Variants in CACNA1B observed in about 807,000 individuals in gnomAD.
CACNA1B encodes calcium voltage-gated channel subunit alpha1 B, also known as voltage-dependent N-type calcium channel subunit alpha-1B.
In CACNA1B, 70 loss-of-function variants were observed where a neutral mutation model predicts 247.2. That is an observed-to-expected ratio of 0.28 (90% CI 0.23 to 0.35). The LOEUF (loss-of-function observed/expected upper bound fraction) is 0.35, where lower values mean the gene tolerates loss of function less well. Among genes scored for constraint, CACNA1B ranks in the 10% least tolerant of loss-of-function variants. CACNA1B has a pLI of 1.00. For missense variants in CACNA1B, 2,367 were observed against 3,197.4 expected, an observed-to-expected ratio of 0.74 and a Z score of 6.26; for synonymous variants, 1,231 against 1,294.4, an observed-to-expected ratio of 0.95 and a Z score of 1.05.
At chr9:138,021,208 G>A (rs1266407421) in intron 18 of CACNA1B, among the ~76,000 whole-genome samples, 6 of 152,198 alleles carry the variant, frequency 3.9e-5, no homozygotes, top group African/African-American at 1.4e-4. Flanking sequence ...GGCACCCCTG[G>A]GAGCAGGGGC....
intron 31 of CACNA1B, 95 bp from the exon 32 acceptor site, chr9:138,069,663 C>A: frequency 1.1e-6 from 1 of 911,496 alleles, no homozygotes; most frequent in Non-Finnish European, 1.8e-6. Context: ...ATGCGAAAAC[C>A]CATGTCTCCG....
intron 6 of CACNA1B, among the ~76,000 whole-genome samples, chr9:137,932,711 G>A (rs929307289): frequency 6.6e-6 from 1 of 152,152 alleles, no homozygotes; most frequent in East Asian, 1.9e-4. Flanking sequence ...TTCTTCACAA[G>A]GGAAACCGTG....
At chr9:137,959,766 G>T (rs1035833861) in intron 10 of CACNA1B, among the ~76,000 whole-genome samples, 2 of 152,148 alleles carry the variant, frequency 1.3e-5, no homozygotes, top group Non-Finnish European at 2.9e-5. Flanking sequence ...TGCCCGCCAC[G>T]TGCCAGCAAC....
intron 38 of CACNA1B, 137 bp from the exon 39 acceptor site, chr9:138,105,562 C>T (rs1961394007): frequency 8.3e-6 from 5 of 601,828 alleles, no homozygotes; most frequent in Non-Finnish European, 1.2e-5. Context: ...CCCGCCCCAC[C>T]TCACTCAGGC....
rs560361187 is a variant in CACNA1B at position 137,891,774 on chromosome 9, G to C, written c.530+8891G>C. On this transcript the variant is annotated intron_variant, in intron 3 of 46. Transcript: ENST00000371372. This position sits in a 1 kb window ranked among gnomAD's most constrained non-coding sequence, Gnocchi z 4.3. Reference sequence around the variant, plus strand: ...TAGAGTGGAGGGGCCTCCACCCTGCGTGCCTGTGTGCAGCCCCACACGTGC... The same window carrying C: ...TAGAGTGGAGGGGCCTCCACCCTGCCTGCCTGTGTGCAGCCCCACACGTGC... 67 of 335,394 alleles carry C rather than the reference G, an allele frequency of 2.0e-4. No individual in the cohort carries two copies. Among genetic ancestry groups the C allele is most frequent in the Non-Finnish European group, 3.2e-4 (55 of 169,398 alleles). The allele number at this position is 335,394 out of a possible 1,614,324, so 20.8% of individuals were successfully genotyped here. A position where few individuals can be genotyped will look rare whatever the true frequency, so the allele number is the denominator to read the frequency against.
chr9:138,003,530 G>A (rs1356362470), intron 15 of CACNA1B, among the ~76,000 whole-genome samples: 1 of 151,940 alleles, frequency 6.6e-6, no homozygotes, highest in African/African-American at 2.4e-5. Flanking sequence ...GGAATAGACT[G>A]ATAAGACTGA....
intron 11 of CACNA1B, among the ~76,000 whole-genome samples, chr9:137,972,297 TTA>T (rs1489778470): frequency 2.0e-5 from 3 of 151,328 alleles, no homozygotes; most frequent in Non-Finnish European, 4.4e-5. Context: ...CACCCATGTT[TTA>T]TGTCCTTTCA....
chr9:137,894,630 G>C (rs1036062818), intron 3 of CACNA1B, among the ~76,000 whole-genome samples: 7 of 152,024 alleles, frequency 4.6e-5, no homozygotes, highest in Admixed American at 1.3e-4. Context: ...GGATGATCTC[G>C]ATCTCCTGAC....
intron 10 of CACNA1B, among the ~76,000 whole-genome samples, chr9:137,960,658 C>T (rs1186873924): frequency 6.6e-6 from 1 of 151,900 alleles, no homozygotes; most frequent in Non-Finnish European, 1.5e-5. Context: ...TGGAGAACGT[C>T]TTGGAGGCCA....
chr9:138,121,016 C>T lies in CACNA1B; in HGVS notation c.6489+135C>T, dbSNP rs1962074466. ...TTCCCAGCAACCCAAGGGCCGGGCGCTCCCCTCTGTGCCCTGTCCCGGAGC... is the reference window on the plus strand; with the variant it reads ...TTCCCAGCAACCCAAGGGCCGGGCGTTCCCCTCTGTGCCCTGTCCCGGAGC... On this transcript the variant is annotated intron_variant, in intron 46 of 46. Transcript: ENST00000371372. This position sits in a 1 kb window ranked among gnomAD's most constrained non-coding sequence, Gnocchi z 6.8. The T allele has an allele frequency of 2.8e-6, 3 of 1,057,854 alleles. No homozygotes were observed. Among genetic ancestry groups the T allele is most frequent in the Middle Eastern group, 3.0e-4 (1 of 3,326 alleles). 65.5% of individuals were successfully genotyped at this position (1,057,854 alleles called of 1,614,324 possible). A position where few individuals can be genotyped will look rare whatever the true frequency, so the allele number is the denominator to read the frequency against.
In CACNA1B at chr9:137,955,006, G is replaced by A. The variant is rs1002167639; in HGVS notation, c.1071-692G>A. Among the ~76,000 whole-genome samples, 1 of 152,086 alleles carries A rather than the reference G, an allele frequency of 6.6e-6. No individual in the cohort carries two copies. The highest frequency in any genetic ancestry group is 1.5e-5 in the Non-Finnish European group (1 of 68,024). ...TGGGGATGCTGAGCTGGAAGGGCAA[G>A]TGTTCTCTGCTGGTCACCATGACGG... On this transcript the variant is annotated intron_variant, in intron 7 of 46. Transcript: ENST00000371372. The surrounding 1 kb of genome is among the most constrained non-coding windows in gnomAD (Gnocchi z 6.9).
chr9:137,911,075 G>A (rs1957354745), intron 3 of CACNA1B, among the ~76,000 whole-genome samples: 1 of 152,072 alleles, frequency 6.6e-6, no homozygotes, highest in Non-Finnish European at 1.5e-5. Context: ...TGTAAGGTAA[G>A]GGTCCAACTT....
At chr9:138,120,457 C>G in intron 45 of CACNA1B, 85 bp downstream of exon 45, 1 of 1,429,364 alleles carries the variant, frequency 7.0e-7, no homozygotes, top group Non-Finnish European at 9.3e-7. Context: ...GACCCTCTTC[C>G]TTTGTGGGCC....
intron 20 of CACNA1B, chr9:138,032,640 A>C (rs372570459): frequency 5.5e-5 from 25 of 451,034 alleles, no homozygotes; most frequent in African/African-American, 4.9e-4. Context: ...GGGTATTTTC[A>C]GTGGGTATAG....
intron 6 of CACNA1B, among the ~76,000 whole-genome samples, chr9:137,946,680 CT>C (rs1957800249): frequency 6.6e-6 from 1 of 152,268 alleles, no homozygotes; most frequent in South Asian, 2.1e-4. Context: ...ATATGGATAC[CT>C]TTCAGTCTCT....
intron 6 of CACNA1B, among the ~76,000 whole-genome samples, chr9:137,934,734 A>G (rs1279011580): frequency 6.6e-6 from 1 of 152,210 alleles, no homozygotes; most frequent in South Asian, 2.1e-4. Context: ...AACAATCACT[A>G]TAGCTCAGCT....
intron 13 of CACNA1B, among the ~76,000 whole-genome samples, chr9:137,985,946 G>A (rs762166030): frequency 5.6e-4 from 86 of 152,216 alleles, no homozygotes; most frequent in Non-Finnish European, 1.0e-3. Context: ...CTCTGCCACC[G>A]GCCACAGCGC....
At chr9:137,904,108 G>A (rs571176530) in intron 3 of CACNA1B, among the ~76,000 whole-genome samples, 2 of 152,146 alleles carry the variant, frequency 1.3e-5, no homozygotes, top group African/African-American at 4.8e-5. Context: ...TTTGGGTTTT[G>A]TGCTGCTTTC....
chr9:138,059,190 G>A lies in CACNA1B; in HGVS notation c.4584+1G>A. The A allele has an allele frequency of 6.3e-7, 1 of 1,585,942 alleles. No individual in the cohort carries two copies. Among genetic ancestry groups the A allele is most frequent in the East Asian group, 2.2e-5 (1 of 44,718 alleles). ...GAAGATCATCGCCTTTGGGGTGCTGGTACGTGCTTTGGTCCCTGCTTTGCC... is the reference window on the plus strand; with the variant it reads ...GAAGATCATCGCCTTTGGGGTGCTGATACGTGCTTTGGTCCCTGCTTTGCC... On this transcript the variant is annotated splice_donor_variant, in intron 30 of 46. Transcript: ENST00000371372. LOFTEE classifies it high-confidence loss of function. This position sits in a 1 kb window ranked among gnomAD's most constrained non-coding sequence, Gnocchi z 4.2.
Sources: allele counts gnomAD v4.1 joint callset (sites outside exome capture counted in the v4.1 genomes callset), GRCh38; gene constraint gnomAD v4.1.1; non-coding constraint Gnocchi (gnomAD v3.1); transcripts MANE v1.5; gene names NCBI Gene and HGNC (gene_info 2026-07-23, HGNC 2026-07-21).